The following MEGF11 variants were observed in gnomAD, a reference collection of about 807,000 sequenced individuals.
The protein encoded by MEGF11 is multiple epidermal growth factor-like domains protein 11.
In MEGF11, 126 loss-of-function variants were observed where a neutral mutation model predicts 146.6. That is an observed-to-expected ratio of 0.86 (90% CI 0.74 to 1.00). The LOEUF (loss-of-function observed/expected upper bound fraction) is 1.00. Ranked by LOEUF, MEGF11 falls within the 50% of genes least tolerant of loss-of-function variation. MEGF11 has a pLI of 0.00. For synonymous variants in MEGF11, 532 were observed against 583.4 expected (o/e 0.91, Z 1.27); for missense variants, 1,509 against 1,521.2 (o/e 0.99, Z 0.13).
intron 5 of MEGF11, among the ~76,000 whole-genome samples, chr15:66,086,383 A>T (rs2086109851): frequency 6.6e-6 from 1 of 152,252 alleles, no homozygotes; most frequent in African/African-American, 2.4e-5. Flanking sequence ...GTTAAGACTA[A>T]GGAAAGAATC....
rs1184900906 is a variant in MEGF11 at position 66,233,487 on chromosome 15, C to T, written c.-9+20118G>A. Among the ~76,000 whole-genome samples, 5 of 152,094 alleles carry T rather than the reference C, an allele frequency of 3.3e-5. No individual in the cohort carries two copies. The South Asian group carries it at 6.2e-4, about 19-fold the overall frequency. Reference sequence around the variant, plus strand: ...CTGACCTCAAGTGATCCGCCCACCTCAGTGTCCCCTAGTGCTGGGATGACA... The same window carrying T: ...CTGACCTCAAGTGATCCGCCCACCTTAGTGTCCCCTAGTGCTGGGATGACA... On this transcript the variant is annotated intron_variant, in intron 1 of 25. Coordinates refer to ENST00000395614, the MANE Select transcript of MEGF11 (RefSeq NM_001385028.1).
At chr15:66,093,821 G>A (rs893472603) in intron 5 of MEGF11, among the ~76,000 whole-genome samples, 7 of 152,132 alleles carry the variant, frequency 4.6e-5, no homozygotes, top group Non-Finnish European at 7.4e-5. Flanking sequence ...AGCCTGGAGA[G>A]CATCCACCTC....
At chr15:65,944,529 A>G (rs1022565025) in intron 10 of MEGF11, among the ~76,000 whole-genome samples, 1 of 152,162 alleles carries the variant, frequency 6.6e-6, no homozygotes, top group Admixed American at 6.5e-5. Flanking sequence ...AGGCAGCAGC[A>G]GGAGCCTGGA....
intron 5 of MEGF11, among the ~76,000 whole-genome samples, chr15:66,016,691 A>G (rs1355324580): frequency 1.3e-5 from 2 of 152,238 alleles, no homozygotes; most frequent in Non-Finnish European, 2.9e-5. Context: ...TAAAGGCCTT[A>G]TAAGAGTGTC....
Position 65,898,048 on chromosome 15 carries a change from G to C in MEGF11, c.3309C>G (p.Ser1103Arg), listed in dbSNP as rs1567145107. Residue 1103 changes from serine (S) to arginine (R), a missense_variant, in exon 26 of 26, where the codon AGC (serine) becomes AGG (arginine). By Grantham distance (110) the Ser-to-Arg change is moderately radical (BLOSUM62 -1). Transcript: ENST00000395614. ...GTAGGTCGTATGCATTCTGGATATA[G>C]CTGGAGTTATGACCGCAACCTTCTT... The part of the protein sequence containing the change: ...VVQEGCGHNS[S>R]YIQNAYDLPR... The C allele has an allele frequency of 1.2e-6, 2 of 1,614,022 alleles. No homozygotes were observed. The highest frequency in any genetic ancestry group is 1.6e-4 in the Middle Eastern group (1 of 6,062).
intron 24 of MEGF11, among the ~76,000 whole-genome samples, chr15:65,902,814 G>A (rs933607426): frequency 6.6e-5 from 10 of 152,196 alleles, no homozygotes; most frequent in African/African-American, 2.4e-4. Context: ...CAGAGACAGA[G>A]GGGGCTTCTG....
chr15:66,112,267 T>C (rs1221094029), intron 4 of MEGF11, among the ~76,000 whole-genome samples: 2 of 151,354 alleles, frequency 1.3e-5, no homozygotes, highest in Admixed American at 6.6e-5. Flanking sequence ...AAAGAAGGAA[T>C]GGAATTCATA....
intron 13 of MEGF11, among the ~76,000 whole-genome samples, chr15:65,925,943 C>T (rs2079357812): frequency 6.6e-6 from 1 of 152,202 alleles, no homozygotes; most frequent in South Asian, 2.1e-4. Context: ...ATACACAAGA[C>T]CTGTCTCCCC....
chr15:65,982,114 G>C lies in MEGF11; in HGVS notation c.641+128C>G. The C allele has an allele frequency of 1.6e-6, 2 of 1,255,596 alleles. No individual in the cohort carries two copies. Among genetic ancestry groups the C allele is most frequent in the Non-Finnish European group, 1.1e-6 (1 of 949,052 alleles). 77.8% of individuals were successfully genotyped at this position (1,255,596 alleles called of 1,614,324 possible). On this transcript the variant is annotated intron_variant, in intron 6 of 25. Transcript: ENST00000395614. The surrounding 1 kb of genome is among the most constrained non-coding windows in gnomAD (Gnocchi z 5.6). Reference sequence around the variant, plus strand: ...CAAGGAGCCCAGGGCTGGGCGTGCAGCTGCGGTGAGGGCAGCCACTCCAGG... The same window carrying C: ...CAAGGAGCCCAGGGCTGGGCGTGCACCTGCGGTGAGGGCAGCCACTCCAGG...
At chr15:65,985,111 C>G (rs1382952523) in intron 5 of MEGF11, among the ~76,000 whole-genome samples, 2 of 152,198 alleles carry the variant, frequency 1.3e-5, no homozygotes, top group African/African-American at 4.8e-5. Context: ...CAGGCACCAT[C>G]CTAGAAGTGC....
chr15:65,897,643 T>C lies in MEGF11; in HGVS notation c.*291A>G, dbSNP rs1457234861. 3.0e-5 allele frequency: 6 copies of C among 198,892 alleles called. No individual in the cohort carries two copies. The highest frequency in any genetic ancestry group is 6.0e-5 in the Non-Finnish European group (6 of 99,318). 12.3% of individuals were successfully genotyped at this position (198,892 alleles called of 1,614,324 possible). A position where few individuals can be genotyped will look rare whatever the true frequency, so the allele number is the denominator to read the frequency against. On this transcript the variant is annotated 3_prime_UTR_variant, in exon 26 of 26. Coordinates refer to ENST00000395614, the MANE Select transcript of MEGF11 (RefSeq NM_001385028.1). ...CGTTTCAGATAAATATATATATATA[T>C]ATCAGCTATATTTAGCTGATGTTGA...
chr15:66,056,843 C>A (rs1237295643), intron 5 of MEGF11, among the ~76,000 whole-genome samples: 2 of 152,208 alleles, frequency 1.3e-5, no homozygotes, highest in Non-Finnish European at 2.9e-5. Flanking sequence ...TCCCCCTTCA[C>A]CCTGTCATTC....
chr15:65,997,274 G>A (rs1434207640), intron 5 of MEGF11, among the ~76,000 whole-genome samples: 1 of 152,220 alleles, frequency 6.6e-6, no homozygotes, highest in African/African-American at 2.4e-5. Flanking sequence ...GATCTGCCAG[G>A]ATGAAGCCAA....
intron 24 of MEGF11, 163 bp downstream of exon 24, chr15:65,905,922 C>T: frequency 2.0e-6 from 1 of 497,388 alleles, no homozygotes; most frequent in East Asian, 3.2e-5. Context: ...ATTGCTCCTC[C>T]TGGGCACAGC....
intron 20 of MEGF11, among the ~76,000 whole-genome samples, chr15:65,913,369 A>G (rs572359069): frequency 3.9e-5 from 6 of 152,294 alleles, no homozygotes; most frequent in Non-Finnish European, 1.5e-5. Flanking sequence ...CTGGGCTCCA[A>G]GGTCTAGCCT....
rs571334912 is a variant in MEGF11, at chr15:66,120,504, C to T, written c.201-1318G>A. On this transcript the variant is annotated intron_variant, in intron 3 of 25. Transcript: ENST00000395614. ...GGTCATCAGAGACGCCTATAGGCTG[C>T]GTTCCATGGAGGGCCAGGCCAGCTT... 5.9e-5 allele frequency among the ~76,000 whole-genome samples: 9 copies of T among 152,280 alleles called. No individual in the cohort carries two copies. In the East Asian group the frequency reaches 1.4e-3, roughly 23 times the overall value.
chr15:66,143,335 G>A (rs1205265286), intron 1 of MEGF11, among the ~76,000 whole-genome samples: 2 of 152,188 alleles, frequency 1.3e-5, no homozygotes, highest in Non-Finnish European at 2.9e-5. Context: ...TCCGGTGGGG[G>A]CTAGGCCAGG....
chr15:66,013,967 A>T (rs979939557), intron 5 of MEGF11, among the ~76,000 whole-genome samples: 5 of 152,234 alleles, frequency 3.3e-5, no homozygotes, highest in African/African-American at 9.6e-5. Context: ...GGGCCAGGAA[A>T]GTGACTGCAG....
chr15:66,215,646 C>T (rs1436651986), intron 1 of MEGF11, among the ~76,000 whole-genome samples: 1 of 152,094 alleles, frequency 6.6e-6, no homozygotes, highest in South Asian at 2.1e-4. Context: ...AGCACAGGTT[C>T]GAGACAAGAT....
Sources: gnomAD v4.1 joint callset for allele counts (sites outside exome capture counted in the v4.1 genomes callset) on GRCh38, gnomAD v4.1.1 for gene constraint, Gnocchi (gnomAD v3.1) non-coding constraint, MANE v1.5 for transcripts, NCBI Gene and HGNC (gene_info 2026-07-23, HGNC 2026-07-21) for gene names.